The following FRMPD4 variants were observed in gnomAD, a reference collection of about 807,000 sequenced individuals.
The protein encoded by FRMPD4 is FERM and PDZ domain-containing protein 4.
A neutral mutation model predicts 94.1 loss-of-function variants in FRMPD4; 22 were observed. That is an observed-to-expected ratio of 0.23 (90% CI 0.17 to 0.33). The LOEUF (loss-of-function observed/expected upper bound fraction) is 0.33. Among genes scored for constraint, FRMPD4 ranks in the 10% least tolerant of loss-of-function variants. FRMPD4 has a pLI of 1.00. For synonymous variants in FRMPD4, 631 were observed against 548.6 expected (o/e 1.15, Z -2.10); for missense variants, 1,111 against 1,339.9 (o/e 0.83, Z 2.67).
intron 1 of FRMPD4, among the ~76,000 whole-genome samples, chrX:12,409,228 G>A (rs1601909485): frequency 8.9e-6 from 1 of 111,825 alleles, no homozygotes; most frequent in Non-Finnish European, 1.9e-5. Flanking sequence ...TCTCAATCGG[G>A]TGATTTTACC....
At chrX:12,338,411 A>G (rs2055558976) in intron 1 of FRMPD4, among the ~76,000 whole-genome samples, 1 of 112,377 alleles carries the variant, frequency 8.9e-6, no homozygotes, top group Non-Finnish European at 1.9e-5. Context: ...ATTATTCAGT[A>G]AACACTGATG....
rs372484963 is a variant in FRMPD4, at chrX:12,345,131, A to AGGATGGATGGATGGATGGAT, written c.42-153520_42-153501dup. ...ATGGATGAACAGACAGACAAATGAA[A>AGGATGGATGGATGGATGGAT]GGATGGATGGATGGATGGATGGATG... On this transcript the variant is annotated intron_variant, in intron 1 of 16. Transcript: ENST00000675598. 2.6e-3 allele frequency among the ~76,000 whole-genome samples: 249 copies of AGGATGGATGGATGGATGGAT among 97,590 alleles called. 3 individuals carry two copies. Among genetic ancestry groups the AGGATGGATGGATGGATGGAT allele is most frequent in the Admixed American group, 0.022 (190 of 8,539 alleles). The allele number at this position is 97,590 out of a possible 115,157, so 84.7% of individuals were successfully genotyped here. A position where few individuals can be genotyped will look rare whatever the true frequency, so the allele number is the denominator to read the frequency against.
At chrX:12,478,928 G>T (rs748642649) in intron 1 of FRMPD4, among the ~76,000 whole-genome samples, 2 of 111,612 alleles carry the variant, frequency 1.8e-5, no homozygotes, top group Non-Finnish European at 3.8e-5. Flanking sequence ...CAACTAGCTT[G>T]GCCACATATT....
intron 3 of FRMPD4, among the ~76,000 whole-genome samples, chrX:11,998,913 T>G (rs1489061205): frequency 8.9e-6 from 1 of 112,210 alleles, no homozygotes; most frequent in Admixed American, 9.5e-5. Flanking sequence ...ACTAGTTGAC[T>G]AAGTGCTTTT....
chrX:12,461,389 C>G (rs1434421890), intron 1 of FRMPD4, among the ~76,000 whole-genome samples: 1 of 112,161 alleles, frequency 8.9e-6, no homozygotes, highest in East Asian at 2.8e-4. Flanking sequence ...TTGTGGCAAT[C>G]TAGGGAGTTA....
chrX:12,344,780 AGCCTTCAGTAGATG>A (rs777489804), intron 1 of FRMPD4, among the ~76,000 whole-genome samples: 119 of 111,834 alleles, frequency 1.1e-3, no homozygotes, highest in African/African-American at 3.7e-3. Context: ...TTGTTTTTGC[AGCCTTCAGTAGATG>A]GCAAGTGCTG....
chrX:12,699,902 G>A (rs776870178), intron 9 of FRMPD4, among the ~76,000 whole-genome samples: 1 of 112,205 alleles, frequency 8.9e-6, no homozygotes, highest in South Asian at 3.7e-4. Context: ...ACTGAATGAA[G>A]AAACCTAGCA....
rs756070346 is a variant in FRMPD4 at position 12,323,226 on chromosome X, G to C, written c.42-175454G>C. ...TAGCCTTGGGCTCTGGAAGCAAATA[G>C]AGTTGTTTCACTGGCCAACTATACC... On this transcript the variant is annotated intron_variant, in intron 1 of 16. Transcript: ENST00000675598. 3.6e-5 allele frequency among the ~76,000 whole-genome samples: 4 copies of C among 111,862 alleles called. No individual in the cohort carries two copies. In the East Asian group the frequency reaches 8.4e-4, roughly 24 times the overall value.
chrX:12,635,162 T>C (rs1024440362), intron 4 of FRMPD4, among the ~76,000 whole-genome samples: 3 of 111,795 alleles, frequency 2.7e-5, no homozygotes, highest in Non-Finnish European at 3.8e-5. Flanking sequence ...CTCTCAGATA[T>C]ACAGTATGTC....
At chrX:12,268,049 G>A (rs981878985) in intron 1 of FRMPD4, among the ~76,000 whole-genome samples, 1 of 112,667 alleles carries the variant, frequency 8.9e-6, no homozygotes, top group African/African-American at 3.2e-5. Context: ...ACTCTGCACA[G>A]TCATTCAGGG....
intron 3 of FRMPD4, among the ~76,000 whole-genome samples, chrX:12,023,066 A>T (rs1311691672): frequency 9.0e-6 from 1 of 111,486 alleles, no homozygotes; most frequent in Non-Finnish European, 1.9e-5. Flanking sequence ...TTGTCAGGTG[A>T]CTATGTCATA....
chrX:12,408,925 T>C (rs778871091), intron 1 of FRMPD4, among the ~76,000 whole-genome samples: 1 of 110,306 alleles, frequency 9.1e-6, no homozygotes, highest in South Asian at 3.9e-4. Context: ...AGAGAGAATA[T>C]CCCCCCCTTG....
intron 2 of FRMPD4, among the ~76,000 whole-genome samples, chrX:12,598,408 G>A (rs1405413136): frequency 9.0e-6 from 1 of 111,555 alleles, no homozygotes; most frequent in African/African-American, 3.3e-5. Context: ...GTCTCAAAAG[G>A]AAGGAGTAAG....
At chrX:12,085,737 T>G (rs953863478) in intron 3 of FRMPD4, among the ~76,000 whole-genome samples, 1 of 108,783 alleles carries the variant, frequency 9.2e-6, no homozygotes. Context: ...CCAGGGGTGG[T>G]GTGCACCTGT....
At position 11,950,821 on chromosome X, in the gene FRMPD4, G is replaced by A. The variant is rs186600387; in HGVS notation, c.95+72803G>A. On this transcript the variant is annotated intron_variant, in intron 3 of 18. Transcript: ENST00000640291. ...ATCTGTAATCCCAGCCCTTTGGGAGGCCGAGGCATGTGGATTACCTGAAGT... is the reference window on the plus strand; with the variant it reads ...ATCTGTAATCCCAGCCCTTTGGGAGACCGAGGCATGTGGATTACCTGAAGT... 5.8e-3 allele frequency among the ~76,000 whole-genome samples: 644 copies of A among 110,737 alleles called. 4 individuals are homozygous for A. The highest frequency in any genetic ancestry group is 0.02 in the African/African-American group (620 of 30,449).
At chrX:11,913,009 G>A (rs1330895098) in intron 3 of FRMPD4, among the ~76,000 whole-genome samples, 2 of 111,672 alleles carry the variant, frequency 1.8e-5, no homozygotes, top group African/African-American at 3.3e-5. Context: ...GCCTCTTAAA[G>A]GGGGCCTGCA....
intron 6 of FRMPD4, among the ~76,000 whole-genome samples, chrX:12,685,012 G>A (rs900277903): frequency 7.1e-5 from 8 of 112,064 alleles, no homozygotes; most frequent in African/African-American, 2.6e-4. Context: ...GAGTCACTGA[G>A]TGCAATTTCT....
intron 1 of FRMPD4, among the ~76,000 whole-genome samples, chrX:11,850,175 G>T (rs2053612578): frequency 8.9e-6 from 1 of 112,259 alleles, no homozygotes; most frequent in Non-Finnish European, 1.9e-5. Context: ...CATATGAAAA[G>T]TTGTTCATCA....
intron 1 of FRMPD4, among the ~76,000 whole-genome samples, chrX:12,345,081 GATGA>G (rs1242301465): frequency 9.2e-6 from 1 of 108,664 alleles, no homozygotes; most frequent in Non-Finnish European, 1.9e-5. Flanking sequence ...TGGATTGATG[GATGA>G]ATGAATGAAT....
Sources: gnomAD v4.1 joint callset for allele counts (sites outside exome capture counted in the v4.1 genomes callset) on GRCh38, gnomAD v4.1.1 for gene constraint, MANE v1.5 for transcripts, NCBI Gene and HGNC (gene_info 2026-07-23, HGNC 2026-07-21) for gene names.